NCOA2: variants seen among roughly 807,000 people sequenced by gnomAD.
NCOA2 encodes nuclear receptor coactivator 2, also known as class E basic helix-loop-helix protein 75.
A neutral mutation model predicts 145.1 loss-of-function variants in NCOA2; 21 were observed. The ratio of observed to expected loss-of-function variants is 0.14; its 90% CI spans 0.10 to 0.21. NCOA2 has a LOEUF of 0.21. Among genes scored for constraint, NCOA2 ranks in the 10% least tolerant of loss-of-function variants. The pLI is 1.00. For synonymous variants in NCOA2, 619 were observed against 637.5 expected (o/e 0.97, Z 0.44); for missense variants, 1,472 against 1,837.6 (o/e 0.80, Z 3.64).
At chr8:70,388,477 G>A (rs561307400) in intron 1 of NCOA2, among the ~76,000 whole-genome samples, 100 of 152,182 alleles carry the variant, frequency 6.6e-4, no homozygotes, top group African/African-American at 2.4e-3. Flanking sequence ...GTTTGCTCAC[G>A]TAACATATCT....
the NCOA2 span, among the ~76,000 whole-genome samples, chr8:70,413,506 T>A: frequency 6.6e-6 from 1 of 152,190 alleles, no homozygotes; most frequent in African/African-American, 2.4e-5. Context: ...ATGTTAATGT[T>A]CAGTTACAGT....
intron 1 of NCOA2, among the ~76,000 whole-genome samples, chr8:70,302,267 A>G (rs943387157): frequency 6.6e-6 from 1 of 152,192 alleles, no homozygotes; most frequent in African/African-American, 2.4e-5. Context: ...AGACTTAATA[A>G]TATAAAGAAT....
intron 13 of NCOA2, 74 bp from the exon 14 acceptor site, chr8:70,141,473 T>C: frequency 7.7e-7 from 1 of 1,306,146 alleles, no homozygotes; most frequent in Non-Finnish European, 1.1e-6. Context: ...CACCAGATGA[T>C]CTTACCCTAC....
intron 2 of NCOA2, among the ~76,000 whole-genome samples, chr8:70,247,514 A>G (rs960430030): frequency 6.6e-6 from 1 of 152,220 alleles, no homozygotes; most frequent in Non-Finnish European, 1.5e-5. Flanking sequence ...ATGCAATGCA[A>G]TGACTAAAAT....
the NCOA2 span, among the ~76,000 whole-genome samples, chr8:70,410,859 G>A: frequency 1.3e-5 from 2 of 152,200 alleles, no homozygotes; most frequent in Non-Finnish European, 2.9e-5. Flanking sequence ...CAGGCAAAAT[G>A]AATGTATAAT....
At chr8:70,376,432 G>C (rs1265072527) in intron 1 of NCOA2, among the ~76,000 whole-genome samples, 3 of 152,034 alleles carry the variant, frequency 2.0e-5, no homozygotes, top group Admixed American at 6.6e-5. Flanking sequence ...CCTAAACTCT[G>C]TGCAATACAG....
At chr8:70,206,592 T>C (rs981566293) in intron 4 of NCOA2, among the ~76,000 whole-genome samples, 3 of 152,200 alleles carry the variant, frequency 2.0e-5, no homozygotes, top group Non-Finnish European at 4.4e-5. Flanking sequence ...CTGGAGAGGA[T>C]GGTAGATGAC....
At chr8:70,285,727 A>G (rs1401032920) in intron 2 of NCOA2, among the ~76,000 whole-genome samples, 1 of 152,236 alleles carries the variant, frequency 6.6e-6, no homozygotes, top group African/African-American at 2.4e-5. Context: ...AAACATGACT[A>G]CTTTACTGCA....
At chr8:70,441,823 G>GA in the NCOA2 span, among the ~76,000 whole-genome samples, 390 of 116,268 alleles carry the variant, frequency 3.4e-3, 1 homozygote, top group African/African-American at 0.014. Context: ...AAAGAAGAAA[G>GA]AAGAAAGAAA....
At chr8:70,362,401 T>C (rs1387092284) in intron 1 of NCOA2, among the ~76,000 whole-genome samples, 1 of 152,056 alleles carries the variant, frequency 6.6e-6, no homozygotes, top group Non-Finnish European at 1.5e-5. Context: ...AGAAAATAAC[T>C]CACAAGTCGC....
chr8:70,115,362 G>A (rs1001905820), intron 22 of NCOA2, among the ~76,000 whole-genome samples: 2 of 152,188 alleles, frequency 1.3e-5, no homozygotes, highest in Non-Finnish European at 2.9e-5. Context: ...TCAATGAGCA[G>A]CCACCGGCCA....
the NCOA2 span, among the ~76,000 whole-genome samples, chr8:70,409,399 C>T: frequency 3.3e-5 from 5 of 152,138 alleles, no homozygotes; most frequent in East Asian, 7.7e-4. Flanking sequence ...AAATAGGCCC[C>T]CAAACTTATA....
chr8:70,324,399 T>C (rs1358098308), intron 1 of NCOA2, among the ~76,000 whole-genome samples: 2 of 152,170 alleles, frequency 1.3e-5, no homozygotes, highest in African/African-American at 2.4e-5. Context: ...TGCAGTGATG[T>C]GACCAAAGCT....
At chr8:70,160,751 C>CAATTTGTCT (rs1812891573) in intron 9 of NCOA2, among the ~76,000 whole-genome samples, 1 of 149,750 alleles carries the variant, frequency 6.7e-6, no homozygotes, top group African/African-American at 2.5e-5. Flanking sequence ...TCACTTTAAG[C>CAATTTGTCT]AATTTGTCTA....
chr8:70,405,449 T>TG (rs1487965171), upstream of NCOA2, among the ~76,000 whole-genome samples: 28 of 129,054 alleles, frequency 2.2e-4, no homozygotes, highest in African/African-American at 7.0e-4. Flanking sequence ...TTTTTTTTTT[T>TG]TTTTTTTTTT....
At chr8:70,215,916 GA>G (rs1819578881) in intron 3 of NCOA2, among the ~76,000 whole-genome samples, 2 of 152,120 alleles carry the variant, frequency 1.3e-5, no homozygotes, top group African/African-American at 2.4e-5. Flanking sequence ...ATTCTTAAGA[GA>G]TTTTTTTTTC....
intron 9 of NCOA2, among the ~76,000 whole-genome samples, chr8:70,161,635 G>A (rs1309279096): frequency 1.3e-5 from 2 of 152,186 alleles, no homozygotes; most frequent in East Asian, 3.9e-4. Flanking sequence ...TTGGTAAAGT[G>A]CCAGATGCAC....
intron 22 of NCOA2, among the ~76,000 whole-genome samples, chr8:70,114,576 C>T (rs911941460): frequency 3.9e-5 from 6 of 152,330 alleles, no homozygotes; most frequent in Admixed American, 3.9e-4. Flanking sequence ...TTGGTCACTG[C>T]TATCACAAAA....
intron 1 of NCOA2, among the ~76,000 whole-genome samples, chr8:70,380,415 T>C (rs753538558): frequency 6.6e-6 from 1 of 152,096 alleles, no homozygotes; most frequent in Non-Finnish European, 1.5e-5. Context: ...ACACATACTT[T>C]AAATCCCAAA....
Sources: allele counts gnomAD v4.1 joint callset (sites outside exome capture counted in the v4.1 genomes callset), GRCh38; gene constraint gnomAD v4.1.1; transcripts MANE v1.5; gene names NCBI Gene and HGNC (gene_info 2026-07-23, HGNC 2026-07-21).